The following CARM1 variants were observed in gnomAD, a reference collection of about 807,000 sequenced individuals.
CARM1 encodes the protein histone-arginine methyltransferase CARM1.
In CARM1, 14 loss-of-function variants were observed where a neutral mutation model predicts 72.7. The observed-to-expected ratio is 0.19, with a 90% confidence interval of 0.13 to 0.30. The LOEUF (loss-of-function observed/expected upper bound fraction) is 0.30. CARM1 is among the 10% of genes least tolerant of loss of function. CARM1 has a pLI of 1.00. For synonymous variants in CARM1, 333 were observed against 345.5 expected (o/e 0.96, Z 0.40); for missense variants, 432 against 833.7 (o/e 0.52, Z 5.93).
At chr19:10,897,803 C>T (rs573857926) in intron 1 of CARM1, among the ~76,000 whole-genome samples, 3 of 152,218 alleles carry the variant, frequency 2.0e-5, no homozygotes, top group Admixed American at 2.0e-4. Flanking sequence ...GCCTGGTCAA[C>T]GAGGTGAAAC....
intron 1 of CARM1, among the ~76,000 whole-genome samples, chr19:10,902,592 AGCCACT>A (rs1480347264): frequency 6.7e-6 from 1 of 148,716 alleles, no homozygotes; most frequent in Non-Finnish European, 1.5e-5. Flanking sequence ...TACAGGCGTG[AGCCACT>A]GTGCCCAGAC....
chr19:10,873,031 A>G (rs1301966468), intron 1 of CARM1, among the ~76,000 whole-genome samples: 1 of 152,100 alleles, frequency 6.6e-6, no homozygotes, highest in African/African-American at 2.4e-5. Flanking sequence ...CTGCTGTCCG[A>G]GGGTGCCGTC....
At chr19:10,875,122 G>C (rs1277465129) in intron 1 of CARM1, among the ~76,000 whole-genome samples, 1 of 152,064 alleles carries the variant, frequency 6.6e-6, no homozygotes, top group Non-Finnish European at 1.5e-5. Flanking sequence ...CAGATTTTTG[G>C]TTTAAGACAA....
At chr19:10,918,649 A>G (rs1300272011) in intron 8 of CARM1, among the ~76,000 whole-genome samples, 1 of 152,094 alleles carries the variant, frequency 6.6e-6, no homozygotes, top group Non-Finnish European at 1.5e-5. Flanking sequence ...GCCCTCCTGC[A>G]CTTATTTCCC....
Position 10,871,589 on chromosome 19 carries a change from AGCGGCG to A in CARM1, c.-69_-64del, listed in dbSNP as rs1184781686. ...CGGCGGCTGCGGCGGCGGTAGCGGC[AGCGGCG>A]GCGGCGGCGGCGGCGGCGGCGGCGG... On this transcript the variant is annotated 5_prime_UTR_variant, in exon 1 of 16. Coordinates refer to ENST00000327064, the MANE Select transcript of CARM1 (RefSeq NM_199141.2). The surrounding 1 kb of genome is among the most constrained non-coding windows in gnomAD (Gnocchi z 5.6). 0.064 allele frequency: 7,520 copies of A among 117,002 alleles called. 280 individuals carry two copies. Among genetic ancestry groups the A allele is most frequent in the African/African-American group, 0.1 (3,018 of 29,930 alleles). 7.2% of individuals were successfully genotyped at this position (117,002 alleles called of 1,614,324 possible).
Position 10,916,869 on chromosome 19 carries a change from C to A in CARM1, c.1020+92C>A. On this transcript the variant is annotated intron_variant, in intron 8 of 15. Transcript: ENST00000327064. This position sits in a 1 kb window ranked among gnomAD's most constrained non-coding sequence, Gnocchi z 4.4. ...CAGGAAGCTACAGCCCCTCTCTGAG[C>A]CCTCTCCTCTGCCCTGCACAGCGCT... is the stretch of plus-strand genomic sequence containing the variant. 1 of 951,934 alleles carries A rather than the reference C, an allele frequency of 1.1e-6. No homozygotes were observed. The highest frequency in any genetic ancestry group is 1.6e-6 in the Non-Finnish European group (1 of 622,668). The allele number at this position is 951,934 out of a possible 1,614,324, so 59.0% of individuals were successfully genotyped here.
At chr19:10,886,632 C>G (rs2073944878) in intron 1 of CARM1, among the ~76,000 whole-genome samples, 1 of 151,936 alleles carries the variant, frequency 6.6e-6, no homozygotes, top group Non-Finnish European at 1.5e-5. Flanking sequence ...TCAAGACCAG[C>G]CTGGCCAAGA....
At chr19:10,882,627 C>T (rs1599685529) in intron 1 of CARM1, among the ~76,000 whole-genome samples, 1 of 150,282 alleles carries the variant, frequency 6.7e-6, no homozygotes, top group African/African-American at 2.4e-5. Flanking sequence ...TTGCAACCTC[C>T]GCCTCCCAGG....
intron 1 of CARM1, among the ~76,000 whole-genome samples, chr19:10,882,011 G>T (rs1010490632): frequency 2.6e-5 from 4 of 152,136 alleles, no homozygotes; most frequent in African/African-American, 9.7e-5. Flanking sequence ...GAGGGAGGCT[G>T]AGGGCAGAGT....
chr19:10,904,738 G>A (rs750833730), intron 1 of CARM1, among the ~76,000 whole-genome samples: 3 of 152,234 alleles, frequency 2.0e-5, no homozygotes, highest in Non-Finnish European at 4.4e-5. Flanking sequence ...GAGGACACAG[G>A]CTGTGTTCCT....
At chr19:10,875,407 C>T (rs1288665855) in intron 1 of CARM1, among the ~76,000 whole-genome samples, 1 of 151,914 alleles carries the variant, frequency 6.6e-6, no homozygotes, top group Non-Finnish European at 1.5e-5. Context: ...AGTGATCCTC[C>T]CACCTCAGCT....
chr19:10,908,924 G>A lies in CARM1; in HGVS notation c.454-179G>A, dbSNP rs537357879. Among the ~76,000 whole-genome samples the A allele has an allele frequency of 2.6e-5, 4 of 152,316 alleles. No homozygotes were observed. The South Asian group carries it at 8.3e-4, about 32-fold the overall frequency. ...TAGTGGCGGTGTCCTCCTGGGGGCT[G>A]CCCTCCGGCTTCCTGCTCCCTCTCC... On this transcript the variant is annotated intron_variant, in intron 3 of 15. Transcript: ENST00000327064.
At chr19:10,914,865 G>A (rs919470047) in intron 6 of CARM1, among the ~76,000 whole-genome samples, 1 of 152,214 alleles carries the variant, frequency 6.6e-6, no homozygotes, top group Non-Finnish European at 1.5e-5. Flanking sequence ...CTGGGTGACT[G>A]TTTCTATTTG....
intron 1 of CARM1, among the ~76,000 whole-genome samples, chr19:10,874,374 C>A (rs968761910): frequency 1.9e-4 from 29 of 151,258 alleles, no homozygotes; most frequent in African/African-American, 6.6e-4. Context: ...TTTTTTCTTT[C>A]TTTTTTATTT....
chr19:10,888,689 C>G (rs1159772974), intron 1 of CARM1, among the ~76,000 whole-genome samples: 1 of 152,168 alleles, frequency 6.6e-6, no homozygotes, highest in Non-Finnish European at 1.5e-5. Context: ...CCACTAAGCT[C>G]CCGCGCTTTC....
At chr19:10,875,549 C>G (rs1036709489) in intron 1 of CARM1, among the ~76,000 whole-genome samples, 2 of 152,024 alleles carry the variant, frequency 1.3e-5, no homozygotes, top group Non-Finnish European at 2.9e-5. Context: ...CTCAGCCTCC[C>G]GGGTAGCTGG....
intron 1 of CARM1, among the ~76,000 whole-genome samples, chr19:10,902,424 G>T (rs777547905): frequency 6.6e-6 from 1 of 150,908 alleles, no homozygotes. Context: ...CTCCTGAGTA[G>T]CTGGGACTAT....
chr19:10,876,449 A>G (rs879787785), intron 1 of CARM1, among the ~76,000 whole-genome samples: 2 of 152,184 alleles, frequency 1.3e-5, no homozygotes, highest in Non-Finnish European at 2.9e-5. Flanking sequence ...CTCACCGGCC[A>G]TGGGAGGGAG....
intron 1 of CARM1, among the ~76,000 whole-genome samples, chr19:10,901,198 G>T (rs1192706215): frequency 6.6e-6 from 1 of 150,518 alleles, no homozygotes; most frequent in East Asian, 2.0e-4. Flanking sequence ...GACCAGGCTG[G>T]TCTTGAACTC....
Sources: gnomAD v4.1 joint callset for allele counts (sites outside exome capture counted in the v4.1 genomes callset) on GRCh38, gnomAD v4.1.1 for gene constraint, Gnocchi (gnomAD v3.1) non-coding constraint, MANE v1.5 for transcripts, NCBI Gene and HGNC (gene_info 2026-07-23, HGNC 2026-07-21) for gene names.